Variants in SLC11A2 observed in about 807,000 individuals in gnomAD.
The protein encoded by SLC11A2 is natural resistance-associated macrophage protein 2.
Under a neutral mutation model 68.0 loss-of-function variants are expected in SLC11A2, and 38 were observed. The ratio of observed to expected loss-of-function variants is 0.56; its 90% confidence interval spans 0.43 to 0.73. The LOEUF is 0.73. Among genes scored for constraint, SLC11A2 ranks in the 30% least tolerant of loss-of-function variants. The probability of loss-of-function intolerance (pLI) is 0.00; values close to 1 mark genes in which losing one functional copy is unlikely to be tolerated. For synonymous variants in SLC11A2, 242 were observed against 250.6 expected (o/e 0.97, Z 0.32); for missense variants, 517 against 690.5 (o/e 0.75, Z 2.82).
chr12:50,957,289 C>T, the SLC11A2 span, among the ~76,000 whole-genome samples: 1 of 151,736 alleles, frequency 6.6e-6, no homozygotes, highest in Non-Finnish European at 1.5e-5. Context: ...TGGCTCACTA[C>T]AACCTCCACC....
the SLC11A2 span, among the ~76,000 whole-genome samples, chr12:50,955,532 G>A: frequency 4.6e-5 from 7 of 152,142 alleles, no homozygotes; most frequent in Admixed American, 4.6e-4. Context: ...AAATCAGACT[G>A]ACATAAGTTT....
In SLC11A2 at chr12:50,987,012, A is replaced by T; in HGVS notation, c.*1313T>A. The T allele has an allele frequency of 3.1e-6, 4 of 1,285,622 alleles. No individual in the cohort carries two copies. Among genetic ancestry groups the T allele is most frequent in the Non-Finnish European group, 4.0e-6 (4 of 987,772 alleles). The allele number at this position is 1,285,622 out of a possible 1,614,324, so 79.6% of individuals were successfully genotyped here. ...CAATGACTATAAAACAGTTTTGATT[A>T]TTTATCTCCATCAAAGTGATTTGAT... On this transcript the variant is annotated 3_prime_UTR_variant, in exon 16 of 16. Transcript: ENST00000262052.
At chr12:51,026,520 T>TGCGGCGGCCCCTGGGGCAC (rs61078145), upstream of SLC11A2, 314 of 432,606 alleles carry the variant, frequency 7.3e-4, 1 homozygote, top group Admixed American at 1.2e-3. Context: ...GGAGTCTGGA[T>TGCGGCGGCCCCTGGGGCAC]GCGGCGGCCC....
At chr12:50,991,500 T>C (rs1941144023) in intron 14 of SLC11A2, 99 bp downstream of exon 14, 1 of 897,902 alleles carries the variant, frequency 1.1e-6, no homozygotes, top group African/African-American at 1.6e-5. Context: ...TCAAAGCATA[T>C]CGCTTCCCTC....
intron 1 of SLC11A2, among the ~76,000 whole-genome samples, chr12:51,012,025 A>G (rs913302055): frequency 3.3e-5 from 5 of 152,190 alleles, no homozygotes; most frequent in African/African-American, 1.2e-4. Context: ...CTAAGAAAGT[A>G]AAGTCTGCAG....
the SLC11A2 span, among the ~76,000 whole-genome samples, chr12:50,966,195 TAGGG>T: frequency 5.2e-3 from 792 of 152,282 alleles, 9 homozygotes; most frequent in Non-Finnish European, 5.8e-3. Context: ...CCATTGAATT[TAGGG>T]AGCCCAGCAG....
In SLC11A2 at chr12:50,987,815, T is replaced by C. The variant is rs1592308095; in HGVS notation, c.*510A>G. The stretch of plus-strand genomic sequence containing the variant: ...AGGTGTCTCTTCATTTTATATTTCA[T>C]ATGGATGAAGCTATTCTAGTTGATA... On this transcript the variant is annotated 3_prime_UTR_variant, in exon 16 of 16. Transcript: ENST00000262052. 7.9e-7 allele frequency: 1 copy of C among 1,265,492 alleles called. No homozygotes were observed. Among genetic ancestry groups the C allele is most frequent in the South Asian group, 1.3e-5 (1 of 77,008 alleles). 78.4% of individuals were successfully genotyped at this position (1,265,492 alleles called of 1,614,324 possible).
chr12:51,008,990 A>G (rs1463182032), intron 2 of SLC11A2: 1 of 688,418 alleles, frequency 1.5e-6, no homozygotes, highest in Non-Finnish European at 2.6e-6. Context: ...AAACACTGAC[A>G]TATGGGCTCA....
intron 8 of SLC11A2, among the ~76,000 whole-genome samples, chr12:50,998,389 A>G (rs1941920937): frequency 6.6e-6 from 1 of 152,156 alleles, no homozygotes; most frequent in Non-Finnish European, 1.5e-5. Context: ...AAAAATCTAA[A>G]AATTAAAAAA....
the SLC11A2 span, among the ~76,000 whole-genome samples, chr12:50,968,102 A>AAGGAGGAGGAGGAGG: frequency 1.4e-5 from 2 of 147,240 alleles, no homozygotes; most frequent in Non-Finnish European, 3.0e-5. Flanking sequence ...TAAGAAGAAG[A>AAGGAGGAGGAGGAGG]AGGAGGAGGA....
At chr12:50,980,043 T>C (rs1163477888), downstream of SLC11A2, 4 of 426,144 alleles carry the variant, frequency 9.4e-6, no homozygotes, top group East Asian at 7.2e-5. Flanking sequence ...CTGGGCAACA[T>C]GGTGAAATCC....
chr12:50,953,787 A>ATTTTTTT, the SLC11A2 span: 1 of 506,376 alleles, frequency 2.0e-6, no homozygotes, highest in Non-Finnish European at 3.5e-6. Context: ...TCCTCTATGT[A>ATTTTTTT]TTTTTTTCTT....
chr12:50,986,941 A>C lies in SLC11A2; in HGVS notation c.*1384T>G, dbSNP rs912465753. ...GGACTCTGGAAGGAAAGCTCCAAAA[A>C]TGAGAAGTCCTTCAACACCATTTTC... On this transcript the variant is annotated 3_prime_UTR_variant, in exon 16 of 16. Transcript: ENST00000262052. 7.8e-7 allele frequency: 1 copy of C among 1,287,262 alleles called. No individual in the cohort carries two copies. 79.7% of individuals were successfully genotyped at this position (1,287,262 alleles called of 1,614,324 possible). A position where few individuals can be genotyped will look rare whatever the true frequency, so the allele number is the denominator to read the frequency against.
intron 4 of SLC11A2, 104 bp downstream of exon 4, chr12:51,005,207 T>G (rs1706949826): frequency 8.1e-7 from 1 of 1,234,206 alleles, no homozygotes; most frequent in African/African-American, 1.5e-5. Flanking sequence ...CAATGAAGTA[T>G]CTGCATGTAG....
In SLC11A2 at chr12:51,015,499, TA is replaced by T. The variant is rs58477796; in HGVS notation, c.-38-4734del. 9.1e-3 allele frequency among the ~76,000 whole-genome samples: 1,198 copies of T among 131,350 alleles called. 18 individuals carry two copies. Among genetic ancestry groups the T allele is most frequent in the African/African-American group, 0.028 (1,007 of 36,114 alleles). 86.2% of individuals were successfully genotyped at this position (131,350 alleles called of 152,430 possible). On this transcript the variant is annotated intron_variant, in intron 1 of 15. Coordinates refer to ENST00000262052, the MANE Select transcript of SLC11A2 (RefSeq NM_000617.3). ...TATAAAAAATAAATAATTAAATAGT[TA>T]AAAAAAAAAAAAACTAGGGAGGAAT...
the SLC11A2 span, among the ~76,000 whole-genome samples, chr12:50,973,622 G>C: frequency 5.3e-5 from 8 of 152,188 alleles, no homozygotes; most frequent in East Asian, 1.5e-3. Context: ...ACCAGCAATG[G>C]AACAAAGCTG....
intron 3 of SLC11A2, among the ~76,000 whole-genome samples, chr12:51,006,651 G>C (rs1407513121): frequency 6.6e-6 from 1 of 152,040 alleles, no homozygotes; most frequent in Non-Finnish European, 1.5e-5. Context: ...TTACCTAGAG[G>C]CTTCACCTAC....
the SLC11A2 span, chr12:50,970,618 A>T: frequency 1.5e-6 from 1 of 662,464 alleles, no homozygotes; most frequent in Admixed American, 2.8e-5. Context: ...CAGAATGCTC[A>T]TAGCCTTTGT....
In SLC11A2 at chr12:50,986,781, G is replaced by C; in HGVS notation, c.*1544C>G. On this transcript the variant is annotated 3_prime_UTR_variant, in exon 16 of 16. Coordinates refer to ENST00000262052, the MANE Select transcript of SLC11A2 (RefSeq NM_000617.3). ...ACTTGAGGGGCTAAGAAAAATGTAT[G>C]GTCAGTGAAACACAGTAGTGTACCC... 2 of 1,287,102 alleles carry C rather than the reference G, an allele frequency of 1.6e-6. No homozygotes were observed. Among genetic ancestry groups the C allele is most frequent in the Non-Finnish European group, 2.0e-6 (2 of 988,662 alleles). The allele number at this position is 1,287,102 out of a possible 1,614,324, so 79.7% of individuals were successfully genotyped here. A position where few individuals can be genotyped will look rare whatever the true frequency, so the allele number is the denominator to read the frequency against.
Sources: gnomAD v4.1 joint callset for allele counts (sites outside exome capture counted in the v4.1 genomes callset) on GRCh38, gnomAD v4.1.1 for gene constraint, MANE v1.5 for transcripts, NCBI Gene and HGNC (gene_info 2026-07-23, HGNC 2026-07-21) for gene names.